The following PTPRR variants were observed in gnomAD, a reference collection of about 807,000 sequenced individuals.
PTPRR encodes protein tyrosine phosphatase receptor type R, also known as receptor-type tyrosine-protein phosphatase R.
A neutral mutation model predicts 77.2 loss-of-function variants in PTPRR; 38 were observed. The observed-to-expected ratio is 0.49, with a 90% CI of 0.38 to 0.65. PTPRR has a LOEUF of 0.65. Ranked by LOEUF, PTPRR falls within the 30% of genes least tolerant of loss-of-function variation. PTPRR has a pLI of 0.00. For synonymous variants in PTPRR, 299 were observed against 283.1 expected, an observed-to-expected ratio of 1.06 and a Z score of -0.57; for missense variants, 744 against 799.2, an observed-to-expected ratio of 0.93 and a Z score of 0.83.
At position 70,901,077 on chromosome 12, in the gene PTPRR, C is replaced by CATTT. The variant is rs537118726; in HGVS notation, c.59-8104_59-8101dup. 2.0e-5 allele frequency among the ~76,000 whole-genome samples: 3 copies of CATTT among 151,626 alleles called. No homozygotes were observed. In the South Asian group the frequency reaches 6.2e-4, roughly 31 times the overall value. On this transcript the variant is annotated intron_variant, in intron 1 of 13. Coordinates refer to ENST00000283228, the MANE Select transcript of PTPRR (RefSeq NM_002849.4). ...CCAAAATTCAAAATACTCCAACAAGCATTTCCTTTGAGCATCATGTTGGTA... is the reference window on the plus strand; with the variant it reads ...CCAAAATTCAAAATACTCCAACAAGCATTTATTTCCTTTGAGCATCATGTTGGTA...
At chr12:70,757,589 G>T (rs1436381501) in intron 4 of PTPRR, among the ~76,000 whole-genome samples, 1 of 152,000 alleles carries the variant, frequency 6.6e-6, no homozygotes, top group Admixed American at 6.6e-5. Context: ...TTCTAGTTGG[G>T]TTTTTTTGTT....
intron 13 of PTPRR, among the ~76,000 whole-genome samples, chr12:70,639,987 G>A (rs1382821058): frequency 6.6e-6 from 1 of 152,052 alleles, no homozygotes; most frequent in Non-Finnish European, 1.5e-5. Flanking sequence ...GTTGGAAAAA[G>A]GGAATTGGCT....
At chr12:70,879,442 T>C (rs1478225651) in intron 2 of PTPRR, among the ~76,000 whole-genome samples, 1 of 151,990 alleles carries the variant, frequency 6.6e-6, no homozygotes, top group African/African-American at 2.4e-5. Context: ...TTCATTGATT[T>C]TTCCCACGAT....
At chr12:70,826,623 C>T (rs995006663) in intron 2 of PTPRR, among the ~76,000 whole-genome samples, 2 of 152,164 alleles carry the variant, frequency 1.3e-5, no homozygotes, top group Non-Finnish European at 2.9e-5. Flanking sequence ...CCTAGAAGCA[C>T]GTGTAAACTT....
chr12:70,656,638 T>A (rs1886591159), intron 13 of PTPRR, 66 bp downstream of exon 13: 1 of 1,124,720 alleles, frequency 8.9e-7, no homozygotes, highest in Non-Finnish European at 1.3e-6. Flanking sequence ...ATGCATGAAG[T>A]CAGGCTGATG....
chr12:70,916,799 A>G (rs1893781933), intron 1 of PTPRR, among the ~76,000 whole-genome samples: 1 of 152,208 alleles, frequency 6.6e-6, no homozygotes, highest in Non-Finnish European at 1.5e-5. Context: ...TTGACTATGC[A>G]CTTCTCTGAG....
chr12:70,700,994 A>G (rs1210590406), intron 7 of PTPRR, 143 bp downstream of exon 7: 7 of 804,212 alleles, frequency 8.7e-6, no homozygotes, highest in Non-Finnish European at 1.4e-5. Context: ...AGTGGATGAG[A>G]CTGAGTGAAT....
At position 70,702,217 on chromosome 12, in the gene PTPRR, A is replaced by T. The variant is rs145229395; in HGVS notation, c.1008-894T>A. On this transcript the variant is annotated intron_variant, in intron 6 of 13. Transcript: ENST00000283228. ...GCTCTTACAACTTACACAGACCCTGAGTCCTGAGTAGGAAGTGAGGATGCC... is the reference window on the plus strand; with the variant it reads ...GCTCTTACAACTTACACAGACCCTGTGTCCTGAGTAGGAAGTGAGGATGCC... Among the ~76,000 whole-genome samples, 483 of 152,212 alleles carry T rather than the reference A, an allele frequency of 3.2e-3. 2 individuals are homozygous for T. Among genetic ancestry groups the T allele is most frequent in the African/African-American group, 0.011 (444 of 41,536 alleles).
At chr12:70,911,801 T>C (rs1404104694) in intron 1 of PTPRR, among the ~76,000 whole-genome samples, 1 of 148,708 alleles carries the variant, frequency 6.7e-6, no homozygotes, top group Non-Finnish European at 1.5e-5. Context: ...TAGGTGTGTA[T>C]GCTTACCCAG....
intron 6 of PTPRR, among the ~76,000 whole-genome samples, chr12:70,705,272 A>G (rs1012510948): frequency 6.6e-6 from 1 of 152,140 alleles, no homozygotes; most frequent in African/African-American, 2.4e-5. Flanking sequence ...AAAATACAGT[A>G]ACATTACAAC....
At chr12:70,784,064 G>GCAACCT (rs111557746) in intron 2 of PTPRR, among the ~76,000 whole-genome samples, 2 of 151,682 alleles carry the variant, frequency 1.3e-5, no homozygotes, top group African/African-American at 4.9e-5. Flanking sequence ...GCCTGGGTCT[G>GCAACCT]CGGTTTGGGT....
intron 2 of PTPRR, among the ~76,000 whole-genome samples, chr12:70,792,742 A>T (rs1363203727): frequency 6.6e-6 from 1 of 152,162 alleles, no homozygotes; most frequent in African/African-American, 2.4e-5. Context: ...ATGAAAAAAG[A>T]TGCATCAATT....
At chr12:70,863,078 T>C (rs1184334187) in intron 2 of PTPRR, among the ~76,000 whole-genome samples, 3 of 152,148 alleles carry the variant, frequency 2.0e-5, no homozygotes, top group African/African-American at 7.2e-5. Flanking sequence ...CTACTAGAGG[T>C]CTAACCCTAC....
In PTPRR at chr12:70,902,989, A is replaced by T. The variant is rs113658439; in HGVS notation, c.59-10012T>A. Among the ~76,000 whole-genome samples the T allele has an allele frequency of 4.0e-4, 61 of 151,976 alleles. No individual in the cohort carries two copies. The South Asian group carries it at 4.1e-3, about 10-fold the overall frequency. On this transcript the variant is annotated intron_variant, in intron 1 of 13. Transcript: ENST00000283228. Reference sequence around the variant, plus strand: ...GGCAACATGGATAAACCTAGAGGACATTATGCTGAGTGAAATAAGGTGGGC... The same window carrying T: ...GGCAACATGGATAAACCTAGAGGACTTTATGCTGAGTGAAATAAGGTGGGC...
At chr12:70,885,754 G>A (rs1832736788) in intron 2 of PTPRR, among the ~76,000 whole-genome samples, 1 of 151,828 alleles carries the variant, frequency 6.6e-6, no homozygotes, top group Non-Finnish European at 1.5e-5. Context: ...GGATGATCTC[G>A]ATCTACTGAC....
intron 2 of PTPRR, among the ~76,000 whole-genome samples, chr12:70,836,594 C>T (rs551502751): frequency 1.2e-4 from 18 of 152,124 alleles, no homozygotes; most frequent in African/African-American, 4.3e-4. Context: ...ATTAGGATCA[C>T]TATGTTCAAC....
chr12:70,764,527 T>A, intron 3 of PTPRR, 138 bp downstream of exon 3: 1 of 675,306 alleles, frequency 1.5e-6, no homozygotes. Flanking sequence ...ATAGCTTGTT[T>A]CATAAAATTT....
intron 2 of PTPRR, among the ~76,000 whole-genome samples, chr12:70,823,108 G>GACACACACACACACACAC (rs58549756): frequency 9.3e-5 from 13 of 139,672 alleles, no homozygotes; most frequent in African/African-American, 2.2e-4. Context: ...CTCTCTCTCT[G>GACACACACACACACACAC]ACACACACAC....
rs372042694 is a variant in PTPRR at position 70,788,942 on chromosome 12, G to A, written c.358-24164C>T. On this transcript the variant is annotated intron_variant, in intron 2 of 13. Coordinates refer to ENST00000283228, the MANE Select transcript of PTPRR (RefSeq NM_002849.4). ...TTCTAAGCTTGTGTGCTGAGATGAAGCCTCATTTAGTCACCTGGAGGTAAC... is the reference window on the plus strand; with the variant it reads ...TTCTAAGCTTGTGTGCTGAGATGAAACCTCATTTAGTCACCTGGAGGTAAC... The A allele has an allele frequency of 6.3e-5, 88 of 1,403,722 alleles. No individual in the cohort carries two copies. The African/African-American group carries it at 1.2e-3, about 19-fold the overall frequency. The allele number at this position is 1,403,722 out of a possible 1,614,324, so 87.0% of individuals were successfully genotyped here.
Sources: allele counts gnomAD v4.1 joint callset (sites outside exome capture counted in the v4.1 genomes callset), GRCh38; gene constraint gnomAD v4.1.1; transcripts MANE v1.5; gene names NCBI Gene and HGNC (gene_info 2026-07-23, HGNC 2026-07-21).